The following HHIPL1 variants were observed in gnomAD, a reference collection of about 807,000 sequenced individuals.
HHIPL1 encodes the protein HHIP-like protein 1.
In HHIPL1, 43 loss-of-function variants were observed where a neutral mutation model predicts 61.8. The ratio of observed to expected loss-of-function variants is 0.70; its 90% CI spans 0.55 to 0.90. The LOEUF is 0.90. Among genes scored for constraint, HHIPL1 ranks in the 40% least tolerant of loss-of-function variants. The probability of loss-of-function intolerance (pLI) is 0.00; values close to 1 mark genes in which losing one functional copy is unlikely to be tolerated. For synonymous variants in HHIPL1, 482 were observed against 515.8 expected, an observed-to-expected ratio of 0.93 and a Z score of 0.89; for missense variants, 1,056 against 1,157.7, an observed-to-expected ratio of 0.91 and a Z score of 1.28.
chr14:99,629,806 T>C, the HHIPL1 span, among the ~76,000 whole-genome samples: 1 of 152,226 alleles, frequency 6.6e-6, no homozygotes, highest in Non-Finnish European at 1.5e-5. Context: ...CCCAGCCCTT[T>C]CTGATTTTTG....
chr14:99,660,356 C>A lies in HHIPL1; in HGVS notation c.1452C>A (p.Cys484Ter), dbSNP rs775078556. 2 of 1,614,110 alleles carry A rather than the reference C, an allele frequency of 1.2e-6. No homozygotes were observed. The highest frequency in any genetic ancestry group is 1.7e-6 in the Non-Finnish European group (2 of 1,179,982). ...CAGGGGGCTACGTGTACCGGGGCTG[C>A]GAGTACCCCAACCTGAACGGCCTCT... ...SVTGGYVYRG[C>*]EYPNLNGLYI... is the part of the protein sequence containing the mutation. Residue 484 changes from cysteine to a stop codon, truncating the protein, a stop_gained, in exon 5 of 9, where the codon TGC becomes TGA. Transcript: ENST00000330710. LOFTEE classifies it high-confidence loss of function. This position sits in a 1 kb window ranked among gnomAD's most constrained non-coding sequence, Gnocchi z 4.9.
chr14:99,608,469 C>T, the HHIPL1 span, among the ~76,000 whole-genome samples: 1 of 152,196 alleles, frequency 6.6e-6, no homozygotes, highest in Non-Finnish European at 1.5e-5. Context: ...CTCCAAGAAG[C>T]TCAGCTCATT....
At position 99,668,024 on chromosome 14, in the gene HHIPL1, G is replaced by A. The variant is rs1270849928; in HGVS notation, c.1649-198G>A. Among the ~76,000 whole-genome samples the A allele has an allele frequency of 6.6e-6, 1 of 152,154 alleles. No individual in the cohort carries two copies. Among genetic ancestry groups the A allele is most frequent in the East Asian group, 1.9e-4 (1 of 5,186 alleles). ...AAGACCAGGCTCCAGAGGCCCTTGGGTACAACCCAACTCCTCACCCAGCCT... is the reference window on the plus strand; with the variant it reads ...AAGACCAGGCTCCAGAGGCCCTTGGATACAACCCAACTCCTCACCCAGCCT... On this transcript the variant is annotated intron_variant, in intron 6 of 8. Transcript: ENST00000330710. The surrounding 1 kb of genome is among the most constrained non-coding windows in gnomAD (Gnocchi z 4.7).
chr14:99,609,308 TG>T, the HHIPL1 span, among the ~76,000 whole-genome samples: 3 of 152,216 alleles, frequency 2.0e-5, 1 homozygote, highest in Non-Finnish European at 4.4e-5. Flanking sequence ...GTTAAGCACT[TG>T]GCAGAGCTCT....
At chr14:99,659,374 T>G (rs1413689717) in intron 3 of HHIPL1, 54 bp from the exon 4 acceptor site, 158 of 1,332,754 alleles carry the variant, frequency 1.2e-4, no homozygotes, top group Non-Finnish European at 1.4e-4. Context: ...GCGGAGCCCG[T>G]GAGCCCTGGC....
the HHIPL1 span, among the ~76,000 whole-genome samples, chr14:99,638,359 G>A: frequency 0.018 from 2,811 of 152,314 alleles, 31 homozygotes; most frequent in Middle Eastern, 0.031. Context: ...TCGGGGAAGA[G>A]GCTGCCCCGA....
At chr14:99,626,409 G>A in the HHIPL1 span, among the ~76,000 whole-genome samples, 27 of 152,270 alleles carry the variant, frequency 1.8e-4, 1 homozygote, top group South Asian at 3.7e-3. Context: ...CTGCCAGCCC[G>A]GACTGTGGGA....
intron 6 of HHIPL1, among the ~76,000 whole-genome samples, chr14:99,663,248 G>A (rs979268807): frequency 1.3e-5 from 2 of 152,178 alleles, no homozygotes; most frequent in Non-Finnish European, 2.9e-5. Context: ...GAAAGAAATC[G>A]GGGGAAGTCC....
At position 99,646,111 on chromosome 14, in the gene HHIPL1, C is replaced by A. The variant is rs1018405756; in HGVS notation, c.255+649C>A. ...GCTCTTTGTTGAAGCCCCTGGGCCC[C>A]CCATCTTCCCTCTGAGGGTGGAGCC... On this transcript the variant is annotated intron_variant, in intron 1 of 8. Coordinates refer to ENST00000330710, the MANE Select transcript of HHIPL1 (RefSeq NM_001127258.3). Among the ~76,000 whole-genome samples the A allele has an allele frequency of 3.9e-5, 6 of 152,292 alleles. 1 individual carries two copies. Among genetic ancestry groups the A allele is most frequent in the Admixed American group, 3.9e-4 (6 of 15,292 alleles).
chr14:99,667,700 A>T (rs947650321), intron 6 of HHIPL1, among the ~76,000 whole-genome samples: 1 of 152,210 alleles, frequency 6.6e-6, no homozygotes, highest in African/African-American at 2.4e-5. Flanking sequence ...TGACGCCTGC[A>T]ATCATAGCTA....
chr14:99,637,176 GAA>G, the HHIPL1 span, among the ~76,000 whole-genome samples: 2 of 118,908 alleles, frequency 1.7e-5, no homozygotes, highest in African/African-American at 6.2e-5. Context: ...GAAAAAGAAA[GAA>G]AGAAAGAATG....
chr14:99,677,859 C>A lies in HHIPL1; in HGVS notation c.*2233C>A. On this transcript the variant is annotated 3_prime_UTR_variant, in exon 9 of 9. Coordinates refer to ENST00000330710, the MANE Select transcript of HHIPL1 (RefSeq NM_001127258.3). The surrounding 1 kb of genome is among the most constrained non-coding windows in gnomAD (Gnocchi z 4.3). Reference sequence around the variant, plus strand: ...CAGGCCAGGCGCTCTTCCTCCCCAGCCTCCAACTCATCACCTCTCAGGCCC... The same window carrying A: ...CAGGCCAGGCGCTCTTCCTCCCCAGACTCCAACTCATCACCTCTCAGGCCC... 6.6e-6 allele frequency: 1 copy of A among 152,456 alleles called. No individual in the cohort carries two copies. The highest frequency in any genetic ancestry group is 6.5e-5 in the Admixed American group (1 of 15,308). 9.4% of individuals were successfully genotyped at this position (152,456 alleles called of 1,614,324 possible).
rs1171895351 is a variant in HHIPL1 at position 99,675,730 on chromosome 14, G to A, written c.*104G>A. 1.7e-6 allele frequency: 2 copies of A among 1,204,904 alleles called. No homozygotes were observed. Among genetic ancestry groups the A allele is most frequent in the Non-Finnish European group, 2.2e-6 (2 of 891,766 alleles). The allele number at this position is 1,204,904 out of a possible 1,614,324, so 74.6% of individuals were successfully genotyped here. ...GGTGCACACGTGTTCTAGAGTGAAG[G>A]GGGTGCGGGTGTGTGCTGTCCTGGG... On this transcript the variant is annotated 3_prime_UTR_variant, in exon 9 of 9. Transcript: ENST00000330710. This position sits in a 1 kb window ranked among gnomAD's most constrained non-coding sequence, Gnocchi z 5.4.
Position 99,659,615 on chromosome 14 carries a change from C to G in HHIPL1, c.1234C>G (p.Arg412Gly). The G allele has an allele frequency of 1.3e-6, 2 of 1,548,218 alleles. No homozygotes were observed. Among genetic ancestry groups the G allele is most frequent in the African/African-American group, 1.4e-5 (1 of 72,282 alleles). ...TGGCGACCCCTCCTCGGGCACTGGC[C>G]GCGGGCGCCTCTTCTGCGGCGACGT... ...DRGDPSSGTG[R>G]GRLFCGDVGQ... Residue 412 changes from arginine to glycine, a missense_variant, in exon 4 of 9, where the codon CGC becomes GGC. Coordinates refer to ENST00000330710, the MANE Select transcript of HHIPL1 (RefSeq NM_001127258.3).
chr14:99,619,400 T>G, the HHIPL1 span, among the ~76,000 whole-genome samples: 2 of 149,220 alleles, frequency 1.3e-5, 1 homozygote, highest in Admixed American at 1.3e-4. Context: ...AGGCAGAGGT[T>G]GCAGTGGGCC....
chr14:99,614,366 A>G, the HHIPL1 span, among the ~76,000 whole-genome samples: 1 of 152,096 alleles, frequency 6.6e-6, no homozygotes, highest in African/African-American at 2.4e-5. Flanking sequence ...AGAACTCTGC[A>G]ATGAGGAAGC....
the HHIPL1 span, among the ~76,000 whole-genome samples, chr14:99,618,412 G>C: frequency 2.0e-5 from 3 of 152,246 alleles, no homozygotes; most frequent in East Asian, 1.9e-4. Flanking sequence ...CATTAGGAGG[G>C]ACTCGCCCAA....
At chr14:99,669,140 A>G in intron 7 of HHIPL1, 1 of 1,362,590 alleles carries the variant, frequency 7.3e-7, no homozygotes, top group Non-Finnish European at 9.5e-7. Context: ...TACACGACTG[A>G]CTCTCTCCCA....
intron 7 of HHIPL1, chr14:99,669,055 C>A (rs1266449154): frequency 1.4e-6 from 2 of 1,458,380 alleles, no homozygotes; most frequent in African/African-American, 1.4e-5. Flanking sequence ...GCACCTTCCC[C>A]AACCCACGTT....
Sources: gnomAD v4.1 joint callset for allele counts (sites outside exome capture counted in the v4.1 genomes callset) on GRCh38, gnomAD v4.1.1 for gene constraint, Gnocchi (gnomAD v3.1) non-coding constraint, MANE v1.5 for transcripts, NCBI Gene and HGNC (gene_info 2026-07-23, HGNC 2026-07-21) for gene names.